The following NPHP3 variants were observed in gnomAD, a reference collection of about 807,000 sequenced individuals.
NPHP3 encodes the protein nephrocystin-3.
A neutral mutation model predicts 171.9 loss-of-function variants in NPHP3; 123 were observed. The ratio of observed to expected loss-of-function variants is 0.72; its 90% CI spans 0.62 to 0.83. The LOEUF (loss-of-function observed/expected upper bound fraction) is 0.83, where lower values mean the gene tolerates loss of function less well. Ranked by LOEUF, NPHP3 falls within the 40% of genes least tolerant of loss-of-function variation. The pLI is 0.00. For synonymous variants in NPHP3, 558 were observed against 579.2 expected (o/e 0.96, Z 0.52); for missense variants, 1,506 against 1,591.9 (o/e 0.95, Z 0.92).
intron 1 of NPHP3, among the ~76,000 whole-genome samples, chr3:132,720,464 G>T (rs1334609073): frequency 6.6e-6 from 1 of 152,162 alleles, no homozygotes; most frequent in Non-Finnish European, 1.5e-5. Flanking sequence ...TGTTTCCAAC[G>T]TGCGGTGTCT....
intron 21 of NPHP3, among the ~76,000 whole-genome samples, chr3:132,687,889 G>A (rs555266652): frequency 1.1e-4 from 16 of 152,276 alleles, no homozygotes; most frequent in African/African-American, 3.9e-4. Context: ...TGGGCCGTGT[G>A]CTTTCTGTTC....
At chr3:132,683,749 T>A (rs1256613679) in intron 24 of NPHP3, among the ~76,000 whole-genome samples, 2 of 152,238 alleles carry the variant, frequency 1.3e-5, no homozygotes, top group African/African-American at 4.8e-5. Flanking sequence ...TTTAGGATCA[T>A]CCACTATTAC....
At chr3:132,720,571 G>A (rs1241609112) in intron 1 of NPHP3, among the ~76,000 whole-genome samples, 1 of 152,104 alleles carries the variant, frequency 6.6e-6, no homozygotes, top group African/African-American at 2.4e-5. Context: ...TAGGAAAACT[G>A]ATAAGACAAC....
chr3:132,692,943 A>C, intron 16 of NPHP3, 125 bp from the exon 17 acceptor site: 1 of 770,994 alleles, frequency 1.3e-6, no homozygotes, highest in Non-Finnish European at 2.2e-6. Flanking sequence ...CAAATGATTT[A>C]ATAAATCAAG....
chr3:132,686,184 T>A, intron 23 of NPHP3, 76 bp downstream of exon 23: 5 of 1,509,274 alleles, frequency 3.3e-6, no homozygotes, highest in Non-Finnish European at 4.6e-6. Flanking sequence ...GCTTTAGACT[T>A]GACAAAAATG....
At chr3:132,682,870 G>T in intron 25 of NPHP3, 52 bp from the exon 26 acceptor site, 1 of 1,160,014 alleles carries the variant, frequency 8.6e-7, no homozygotes, top group Non-Finnish European at 1.3e-6. Flanking sequence ...TGAAATTAAT[G>T]TATTCTAGAC....
At chr3:132,687,037 T>C (rs1010497718) in intron 22 of NPHP3, 114 bp downstream of exon 22, 9 of 627,984 alleles carry the variant, frequency 1.4e-5, no homozygotes, top group African/African-American at 1.3e-4. Context: ...AGTTCTCTTC[T>C]AAAAAACTAG....
chr3:132,693,705 C>A (rs1384972917), intron 16 of NPHP3: 1 of 152,122 alleles, frequency 6.6e-6, no homozygotes, highest in Non-Finnish European at 1.5e-5. Flanking sequence ...AACCCCATCT[C>A]TACTAAAAAT....
chr3:132,689,565 G>A (rs1939248860), intron 19 of NPHP3, among the ~76,000 whole-genome samples: 1 of 152,146 alleles, frequency 6.6e-6, no homozygotes, highest in African/African-American at 2.4e-5. Context: ...GGTGTTGGCT[G>A]TTATCCTTAA....
intron 14 of NPHP3, 125 bp downstream of exon 14, chr3:132,697,135 A>C: frequency 2.6e-6 from 2 of 759,496 alleles, no homozygotes; most frequent in Non-Finnish European, 4.6e-6. Context: ...ACATTTACCA[A>C]AGTAATTACT....
chr3:132,717,735 T>C (rs995074728), intron 3 of NPHP3, among the ~76,000 whole-genome samples: 3 of 149,998 alleles, frequency 2.0e-5, no homozygotes, highest in Admixed American at 2.0e-4. Flanking sequence ...TCTCAGCTAC[T>C]CTTGGCCATT....
At chr3:132,707,797 T>A (rs961143750) in intron 7 of NPHP3, among the ~76,000 whole-genome samples, 1 of 152,094 alleles carries the variant, frequency 6.6e-6, no homozygotes, top group African/African-American at 2.4e-5. Context: ...TGACCACCTA[T>A]TCTCAACATG....
intron 6 of NPHP3, among the ~76,000 whole-genome samples, chr3:132,711,517 T>A (rs2107994357): frequency 6.6e-6 from 1 of 152,048 alleles, no homozygotes; most frequent in South Asian, 2.1e-4. Flanking sequence ...AAAATAAATG[T>A]TAAAGTGTAA....
rs765884542 is a variant in NPHP3, at chr3:132,683,408, A to G, written c.3687T>C (p.Tyr1229=). 2 of 1,613,068 alleles carry G rather than the reference A, an allele frequency of 1.2e-6. No individual in the cohort carries two copies. The highest frequency in any genetic ancestry group is 1.7e-6 in the Non-Finnish European group (2 of 1,179,238). Residue 1229 remains tyrosine (Y), a synonymous_variant, in exon 25 of 27, where the codon TAT becomes TAC. Transcript: ENST00000337331. Reference sequence around the variant, plus strand: ...AAATATGGGAACTTACCATTTGGCTATAAAGAACAGCTAAGTTCACCAAGG... The same window carrying G: ...AAATATGGGAACTTACCATTTGGCTGTAAAGAACAGCTAAGTTCACCAAGG... ...ATALVNLAVL[Y]SQMKKHVEAL...
At position 132,705,726 on chromosome 3, in the gene NPHP3, G is replaced by C; in HGVS notation, c.1350+14C>G. 4 of 1,179,614 alleles carry C rather than the reference G, an allele frequency of 3.4e-6. No individual in the cohort carries two copies. The highest frequency in any genetic ancestry group is 5.1e-6 in the Non-Finnish European group (4 of 790,800). The allele number at this position is 1,179,614 out of a possible 1,614,324, so 73.1% of individuals were successfully genotyped here. A position where few individuals can be genotyped will look rare whatever the true frequency, so the allele number is the denominator to read the frequency against. On this transcript the variant is annotated intron_variant, in intron 8 of 26. Transcript: ENST00000337331. Reference sequence around the variant, plus strand: ...AATATTTTAGATGAAAACTTACAGAGAATGCATATTTACCTGTTTAATAAT... The same window carrying C: ...AATATTTTAGATGAAAACTTACAGACAATGCATATTTACCTGTTTAATAAT...
At chr3:132,682,158 T>A in intron 26 of NPHP3, 68 bp from the exon 27 acceptor site, 2 of 1,397,704 alleles carry the variant, frequency 1.4e-6, no homozygotes, top group Non-Finnish European at 1.0e-6. Context: ...AATGACCTTA[T>A]GGGATACAGA....
intron 9 of NPHP3, among the ~76,000 whole-genome samples, chr3:132,702,840 G>T (rs1267096536): frequency 6.6e-6 from 1 of 152,118 alleles, no homozygotes; most frequent in Non-Finnish European, 1.5e-5. Context: ...TACCTCATAA[G>T]TCCTAACAAC....
chr3:132,698,138 C>T (rs1054278371), intron 13 of NPHP3, among the ~76,000 whole-genome samples: 4 of 152,064 alleles, frequency 2.6e-5, no homozygotes, highest in Admixed American at 1.3e-4. Flanking sequence ...CCCACCACCA[C>T]GCCTGGCTAA....
intron 16 of NPHP3, among the ~76,000 whole-genome samples, chr3:132,694,095 TG>T (rs1317718473): frequency 6.6e-6 from 1 of 152,024 alleles, no homozygotes; most frequent in Non-Finnish European, 1.5e-5. Context: ...CTAAGCAGTA[TG>T]GTACTGGCAA....
Sources: allele counts gnomAD v4.1 joint callset (sites outside exome capture counted in the v4.1 genomes callset), GRCh38; gene constraint gnomAD v4.1.1; transcripts MANE v1.5; gene names NCBI Gene and HGNC (gene_info 2026-07-23, HGNC 2026-07-21).